The following SYTL2 variants were observed in gnomAD, a reference collection of about 807,000 sequenced individuals.
SYTL2 encodes the protein synaptotagmin-like protein 2.
SYTL2 carries 165 observed loss-of-function variants against 198.7 expected under a neutral mutation model. The observed-to-expected ratio is 0.83, with a 90% CI of 0.73 to 0.94. The LOEUF (loss-of-function observed/expected upper bound fraction) is 0.94. Ranked by LOEUF, SYTL2 falls within the 40% of genes least tolerant of loss-of-function variation. The pLI is 0.00. For synonymous variants in SYTL2, 966 were observed against 917.7 expected, an observed-to-expected ratio of 1.05 and a Z score of -0.95; for missense variants, 2,835 against 2,582.8, an observed-to-expected ratio of 1.10 and a Z score of -2.12.
At chr11:85,819,683 C>T in the SYTL2 span, among the ~76,000 whole-genome samples, 2 of 152,212 alleles carry the variant, frequency 1.3e-5, no homozygotes, top group Non-Finnish European at 2.9e-5. Flanking sequence ...TATCTGGAAG[C>T]ATGTTTCATC....
At chr11:85,755,052 A>G (rs963250625) in intron 2 of SYTL2, among the ~76,000 whole-genome samples, 1 of 152,184 alleles carries the variant, frequency 6.6e-6, no homozygotes, top group East Asian at 1.9e-4. Flanking sequence ...TTATTAGGCT[A>G]TAACTCTGGT....
chr11:85,719,437 G>A (rs2087918200), intron 9 of SYTL2: 1 of 510,076 alleles, frequency 2.0e-6, no homozygotes, highest in Admixed American at 5.6e-5. Flanking sequence ...GTACTTTAAA[G>A]CTGCACCATG....
Position 85,695,249 on chromosome 11 carries a change from C to T in SYTL2, c.6666G>A (p.Trp2222Ter), listed in dbSNP as rs764513451. The change falls in exon 20 of 20, where the codon TGG (tryptophan) becomes TGA (stop). Residue 2222 changes from tryptophan (W) to a stop codon, truncating the protein, a stop_gained. Transcript: ENST00000359152. LOFTEE classifies it high-confidence loss of function. ...WEKMVNSPNT[W>*]IEATLPLRML... ...TTCTGAGAGGCAGTGTTGCTTCAAT[C>T]CAAGTATTGGGGGAGTTTACCATCT... 1 of 1,612,868 alleles carries T rather than the reference C, an allele frequency of 6.2e-7. No individual in the cohort carries two copies.
At chr11:85,834,386 A>T in the SYTL2 span, among the ~76,000 whole-genome samples, 1 of 152,050 alleles carries the variant, frequency 6.6e-6, no homozygotes, top group East Asian at 1.9e-4. Context: ...AAATCTGTCC[A>T]TCCTTTTTCT....
chr11:85,810,189 C>A (rs10898415), intron 1 of SYTL2, among the ~76,000 whole-genome samples: 66,226 of 151,948 alleles, frequency 0.44, 15,405 homozygotes, highest in African/African-American at 0.59. Flanking sequence ...CTCAACCCTG[C>A]GCCCAAAGCC....
intron 9 of SYTL2, 54 bp downstream of exon 9, chr11:85,720,804 A>T: frequency 8.2e-7 from 1 of 1,226,968 alleles, no homozygotes; most frequent in Middle Eastern, 1.9e-4. Context: ...GAGAGCACAT[A>T]GGCATTTTTA....
intron 1 of SYTL2, among the ~76,000 whole-genome samples, chr11:85,794,312 G>A (rs2092772360): frequency 1.3e-5 from 2 of 152,038 alleles, no homozygotes; most frequent in African/African-American, 4.8e-5. Context: ...CCAAGTAGCT[G>A]AGACTAGAGG....
At chr11:85,744,596 T>C (rs1466790839) in intron 4 of SYTL2, among the ~76,000 whole-genome samples, 2 of 152,204 alleles carry the variant, frequency 1.3e-5, no homozygotes, top group Non-Finnish European at 2.9e-5. Flanking sequence ...ATATTTGACT[T>C]TAAAATACCT....
At chr11:85,833,117 A>G in the SYTL2 span, among the ~76,000 whole-genome samples, 1 of 102,780 alleles carries the variant, frequency 9.7e-6, no homozygotes. Flanking sequence ...GAAGGAAGGA[A>G]GGAAGGAAGG....
intron 1 of SYTL2, among the ~76,000 whole-genome samples, chr11:85,805,356 C>T (rs1386848464): frequency 6.6e-6 from 1 of 151,012 alleles, no homozygotes; most frequent in African/African-American, 2.4e-5. Context: ...AAACTGAAAA[C>T]CTAAACCTTT....
the SYTL2 span, among the ~76,000 whole-genome samples, chr11:85,818,451 A>G: frequency 2.0e-5 from 3 of 151,734 alleles, no homozygotes; most frequent in African/African-American, 7.3e-5. Context: ...TGCTTTTTAT[A>G]TTGAATATCA....
At chr11:85,846,124 G>C in the SYTL2 span, among the ~76,000 whole-genome samples, 1 of 152,122 alleles carries the variant, frequency 6.6e-6, no homozygotes, top group Non-Finnish European at 1.5e-5. Flanking sequence ...GTTATAAGGT[G>C]GGGTCAGCTA....
In SYTL2 at chr11:85,695,095, A is replaced by G; in HGVS notation, c.*100T>C. 3.1e-6 allele frequency: 4 copies of G among 1,285,660 alleles called. 1 individual carries two copies. The East Asian group carries it at 9.4e-5, about 30-fold the overall frequency. 79.6% of individuals were successfully genotyped at this position (1,285,660 alleles called of 1,614,324 possible). A position where few individuals can be genotyped will look rare whatever the true frequency, so the allele number is the denominator to read the frequency against. On this transcript the variant is annotated 3_prime_UTR_variant, in exon 20 of 20. Coordinates refer to ENST00000359152, the MANE Select transcript of SYTL2 (RefSeq NM_206927.4). ...TGCTGTGTAGTATTCCTTAGGTGCAATAGATAGAAAGTGAGGATATTTGTC... is the reference window on the plus strand; with the variant it reads ...TGCTGTGTAGTATTCCTTAGGTGCAGTAGATAGAAAGTGAGGATATTTGTC...
chr11:85,849,961 G>C, the SYTL2 span, among the ~76,000 whole-genome samples: 1,805 of 142,134 alleles, frequency 0.013, 41 homozygotes, highest in African/African-American at 0.045. Context: ...CTTTTATTTC[G>C]TTGAGCAGTG....
At chr11:85,847,153 C>T in the SYTL2 span, among the ~76,000 whole-genome samples, 2 of 152,268 alleles carry the variant, frequency 1.3e-5, no homozygotes, top group Admixed American at 6.5e-5. Context: ...GTAACCACCA[C>T]CACAATCAAG....
chr11:85,825,481 C>CAACG, the SYTL2 span, among the ~76,000 whole-genome samples: 2 of 151,636 alleles, frequency 1.3e-5, no homozygotes, highest in South Asian at 4.2e-4. Context: ...CAACATGGAG[C>CAACG]AACGGTTTGT....
At chr11:85,760,786 G>GC (rs35249420) in intron 1 of SYTL2, among the ~76,000 whole-genome samples, 113,854 of 151,964 alleles carry the variant, frequency 0.75, 43,140 homozygotes, top group African/African-American at 0.85. Flanking sequence ...CTGTGTCAAA[G>GC]CTCTGAGGGT....
intron 1 of SYTL2, among the ~76,000 whole-genome samples, chr11:85,784,687 G>A (rs1019690735): frequency 2.0e-5 from 3 of 152,166 alleles, no homozygotes; most frequent in Non-Finnish European, 4.4e-5. Flanking sequence ...ATATCATCAT[G>A]CAGCTTAACT....
At chr11:85,760,439 G>A (rs930706473) in intron 1 of SYTL2, among the ~76,000 whole-genome samples, 1 of 152,148 alleles carries the variant, frequency 6.6e-6, no homozygotes, top group African/African-American at 2.4e-5. Context: ...AAAAGAATGA[G>A]CAAATGAATA....
Sources: gnomAD v4.1 joint callset for allele counts (sites outside exome capture counted in the v4.1 genomes callset) on GRCh38, gnomAD v4.1.1 for gene constraint, MANE v1.5 for transcripts, NCBI Gene and HGNC (gene_info 2026-07-23, HGNC 2026-07-21) for gene names.